RAD18: variants seen among roughly 807,000 people sequenced by gnomAD.
RAD18 encodes RAD18 E3 ubiquitin protein ligase.
In RAD18, 47 loss-of-function variants were observed where a neutral mutation model predicts 60.4. That is an observed-to-expected ratio of 0.78 (90% CI 0.62 to 0.99). RAD18 has a LOEUF of 0.99. Among genes scored for constraint, RAD18 ranks in the 50% least tolerant of loss-of-function variants. The pLI is 0.00. For synonymous variants in RAD18, 225 were observed against 195.5 expected (o/e 1.15, Z -1.26); for missense variants, 640 against 593.3 (o/e 1.08, Z -0.82).
rs1166307768 is a variant in RAD18 at position 8,881,393 on chromosome 3, A to G, written c.1452T>C (p.Ala484=). 1 of 1,612,664 alleles carries G rather than the reference A, an allele frequency of 6.2e-7. No homozygotes were observed. The highest frequency in any genetic ancestry group is 1.1e-5 in the South Asian group (1 of 91,042). The change falls in exon 13 of 13, where the codon GCT becomes GCC. Residue 484 remains alanine, a synonymous_variant. Coordinates refer to ENST00000264926, the MANE Select transcript of RAD18 (RefSeq NM_020165.4). ...QNRRTRAAES[A]EIEPRNKRNR... ...TACGCTTGTTTCTTGGTTCAATCTC[A>G]GCACTTTCAGCGGCTCTTGTGCGGC...
At chr3:8,952,050 A>G (rs1940935089) in intron 2 of RAD18, among the ~76,000 whole-genome samples, 1 of 150,970 alleles carries the variant, frequency 6.6e-6, no homozygotes, top group African/African-American at 2.5e-5. Context: ...CAAAGGCCTC[A>G]TCTTCAAACA....
chr3:8,937,649 G>A (rs969355128), intron 6 of RAD18, among the ~76,000 whole-genome samples: 1 of 152,172 alleles, frequency 6.6e-6, no homozygotes, highest in Non-Finnish European at 1.5e-5. Context: ...GCCCAGTGTT[G>A]TCTTCAGAAT....
At chr3:8,917,507 T>C (rs1940226423) in intron 7 of RAD18, among the ~76,000 whole-genome samples, 1 of 152,094 alleles carries the variant, frequency 6.6e-6, no homozygotes, top group Non-Finnish European at 1.5e-5. Flanking sequence ...ACAATAACAA[T>C]ACAAAGAATT....
At chr3:8,896,302 T>C (rs1342679080) in intron 11 of RAD18, among the ~76,000 whole-genome samples, 2 of 152,214 alleles carry the variant, frequency 1.3e-5, no homozygotes, top group Non-Finnish European at 1.5e-5. Flanking sequence ...CATTATCCTC[T>C]AAGGTTCTGG....
rs542888943 is a variant in RAD18, at chr3:8,926,660, A to G, written c.889+9211T>C. 2.0e-5 allele frequency among the ~76,000 whole-genome samples: 3 copies of G among 152,328 alleles called. No homozygotes were observed. In the South Asian group the frequency reaches 6.2e-4, roughly 32 times the overall value. On this transcript the variant is annotated intron_variant, in intron 7 of 12. Coordinates refer to ENST00000264926, the MANE Select transcript of RAD18 (RefSeq NM_020165.4). ...ATCATGCTACTTGACTTCAAACTAT[A>G]CTACAAGGCTACAGTAACCAAAACA...
At position 8,959,014 on chromosome 3, in the gene RAD18, T is replaced by A; in HGVS notation, c.52-13A>T. The A allele has an allele frequency of 6.2e-7, 1 of 1,606,078 alleles. No individual in the cohort carries two copies. Among genetic ancestry groups the A allele is most frequent in the Non-Finnish European group, 8.5e-7 (1 of 1,172,870 alleles). The stretch of plus-strand genomic sequence containing the variant: ...AATCATCTATTGTCTGAAATGCAAA[T>A]ATGCATATATACATATCAGAAAGAC... On this transcript the variant is annotated splice_polypyrimidine_tract_variant and intron_variant, in intron 1 of 12. Transcript: ENST00000264926.
chr3:8,912,521 C>T (rs1940121510), intron 8 of RAD18, 149 bp from the exon 9 acceptor site: 5 of 477,152 alleles, frequency 1.0e-5, no homozygotes, highest in Non-Finnish European at 1.8e-5. Flanking sequence ...AAGAATCATT[C>T]CTATGTACTT....
At chr3:8,882,438 C>T (rs1939483681) in intron 12 of RAD18, among the ~76,000 whole-genome samples, 1 of 152,130 alleles carries the variant, frequency 6.6e-6, no homozygotes, top group African/African-American at 2.4e-5. Context: ...GAGGTTTGGT[C>T]AAGTAGCCAG....
At chr3:8,919,829 A>G (rs529305239) in intron 7 of RAD18, among the ~76,000 whole-genome samples, 1 of 123,538 alleles carries the variant, frequency 8.1e-6, no homozygotes, top group South Asian at 2.9e-4. Context: ...AGAAATAAGA[A>G]GACGGTAATG....
At chr3:8,938,664 C>T (rs1940693348) in intron 6 of RAD18, among the ~76,000 whole-genome samples, 1 of 152,110 alleles carries the variant, frequency 6.6e-6, no homozygotes. Flanking sequence ...CACTTTCTTC[C>T]ATTTATCCTC....
Position 8,947,260 on chromosome 3 carries a change from G to T in RAD18, c.226C>A (p.Arg76Ser). ...CTTTTTACCAGTTCATCTAATATGC[G>T]GTTATTTTTCAGATCCGGCTCTGTG... ...TVTEPDLKNN[R>S]ILDELVKSLN... Residue 76 changes from arginine to serine, a missense_variant, in exon 4 of 13, where the codon CGC (arginine) becomes AGC (serine). Physicochemically the swap from Arg to Ser is moderately radical, Grantham distance 110. Transcript: ENST00000264926. The T allele has an allele frequency of 6.2e-7, 1 of 1,610,928 alleles. No homozygotes were observed. Among genetic ancestry groups the T allele is most frequent in the Non-Finnish European group, 8.5e-7 (1 of 1,177,660 alleles).
At chr3:8,898,381 C>CGTGTGTGTGTGTGT (rs59853617) in intron 11 of RAD18, among the ~76,000 whole-genome samples, 14 of 148,454 alleles carry the variant, frequency 9.4e-5, no homozygotes, top group African/African-American at 3.5e-4. Context: ...TGTGTGCATG[C>CGTGTGTGTGTGTGT]GTGTGTGTGT....
intron 12 of RAD18, among the ~76,000 whole-genome samples, chr3:8,882,753 C>T (rs1163311597): frequency 1.3e-5 from 2 of 152,174 alleles, no homozygotes; most frequent in African/African-American, 4.8e-5. Context: ...AAAGCAGCCA[C>T]CTGCTAGAGT....
At chr3:8,903,642 A>T in intron 9 of RAD18, among the ~76,000 whole-genome samples, 1 of 152,210 alleles carries the variant, frequency 6.6e-6, no homozygotes, top group African/African-American at 2.4e-5. Flanking sequence ...GCCAGTCATC[A>T]TTACTGTATG....
chr3:8,889,444 T>A (rs895830548), intron 12 of RAD18, among the ~76,000 whole-genome samples: 1 of 152,188 alleles, frequency 6.6e-6, no homozygotes, highest in Admixed American at 6.5e-5. Context: ...GCCTAACTTA[T>A]AAGCCAGTGG....
At chr3:8,938,579 T>C (rs1462112860) in intron 6 of RAD18, among the ~76,000 whole-genome samples, 1 of 152,122 alleles carries the variant, frequency 6.6e-6, no homozygotes, top group Admixed American at 6.6e-5. Context: ...CCTATTATCT[T>C]GCCCTTGCCT....
At chr3:8,910,839 C>A (rs1410705006) in intron 9 of RAD18, among the ~76,000 whole-genome samples, 2 of 152,070 alleles carry the variant, frequency 1.3e-5, no homozygotes, top group African/African-American at 4.8e-5. Context: ...TGAAAAACTT[C>A]AAGAAGTAGC....
chr3:8,959,011 A>G lies in RAD18; in HGVS notation c.52-10T>C. On this transcript the variant is annotated splice_polypyrimidine_tract_variant and intron_variant, in intron 1 of 12. Transcript: ENST00000264926. ...GCAAATCATCTATTGTCTGAAATGC[A>G]AATATGCATATATACATATCAGAAA... 6.2e-7 allele frequency: 1 copy of G among 1,608,698 alleles called. No homozygotes were observed. The highest frequency in any genetic ancestry group is 8.5e-7 in the Non-Finnish European group (1 of 1,175,130).
chr3:8,894,290 A>T (rs1172549703), intron 11 of RAD18, among the ~76,000 whole-genome samples: 1 of 152,250 alleles, frequency 6.6e-6, no homozygotes, highest in Non-Finnish European at 1.5e-5. Flanking sequence ...CTAAAGAAAG[A>T]TAAAATGAAG....
Sources: gnomAD v4.1 joint callset for allele counts (sites outside exome capture counted in the v4.1 genomes callset) on GRCh38, gnomAD v4.1.1 for gene constraint, MANE v1.5 for transcripts, NCBI Gene and HGNC (gene_info 2026-07-23, HGNC 2026-07-21) for gene names.